ZBTB7C: variants seen among roughly 807,000 people sequenced by gnomAD.
ZBTB7C encodes the protein zinc finger and BTB domain-containing protein 7C.
ZBTB7C carries 8 observed loss-of-function variants against 25.7 expected under a neutral mutation model. The observed-to-expected ratio is 0.31, with a 90% CI of 0.18 to 0.56. ZBTB7C has a LOEUF of 0.56. Ranked by LOEUF, ZBTB7C falls within the 20% of genes least tolerant of loss-of-function variation. The probability of loss-of-function intolerance (pLI) is 0.91; values close to 1 mark genes in which losing one functional copy is unlikely to be tolerated. For missense variants in ZBTB7C, 824 were observed against 855.2 expected, an observed-to-expected ratio of 0.96 and a Z score of 0.46; for synonymous variants, 394 against 369.0, an observed-to-expected ratio of 1.07 and a Z score of -0.78.
At chr18:48,297,486 T>C (rs975345332) in intron 2 of ZBTB7C, among the ~76,000 whole-genome samples, 1 of 152,076 alleles carries the variant, frequency 6.6e-6, no homozygotes, top group African/African-American at 2.4e-5. Flanking sequence ...CTTGTCCCTC[T>C]CTCTCCCCCA....
intron 2 of ZBTB7C, among the ~76,000 whole-genome samples, chr18:48,314,364 C>T (rs1017166985): frequency 6.6e-6 from 1 of 152,168 alleles, no homozygotes; most frequent in East Asian, 1.9e-4. Flanking sequence ...ATGACAGAGT[C>T]CCCTCTTAAA....
Position 48,143,957 on chromosome 18 carries a change from C to T in ZBTB7C, c.-17+41977G>A, listed in dbSNP as rs149909992. ...CAACTCTGAATATAACAAGGACAAG[C>T]GGGAGTACCCCTATTGCAGTAGTCC... On this transcript the variant is annotated intron_variant, in intron 3 of 4. Transcript: ENST00000590800. Among the ~76,000 whole-genome samples, 12 of 152,294 alleles carry T rather than the reference C, an allele frequency of 7.9e-5. No individual in the cohort carries two copies. In the East Asian group the frequency reaches 1.4e-3, roughly 17 times the overall value.
In ZBTB7C at chr18:48,402,549, A is replaced by G. The variant is rs551237014; in HGVS notation, c.-304+6677T>C. Among the ~76,000 whole-genome samples the G allele has an allele frequency of 2.0e-5, 3 of 152,328 alleles. No homozygotes were observed. The East Asian group carries it at 5.8e-4, about 29-fold the overall frequency. On this transcript the variant is annotated intron_variant, in intron 1 of 4. Coordinates refer to ENST00000590800, the MANE Select transcript of ZBTB7C (RefSeq NM_001318841.2). ...CTGTTTTCCTTACGCAAAGTACAGA[A>G]GCAAAGCCTGCTAAAATCTTTGGTG...
Position 48,260,433 on chromosome 18 carries a change from G to GTCATAGATGTATGCATAAGTCTAA in ZBTB7C, c.-78-74462_-78-74439dup, listed in dbSNP as rs1374702747. ...TCTATTATTTTGATGTGGTGATGAT[G>GTCATAGATGTATGCATAAGTCTAA]TCATAGATGTATGCATAAGTCTAAA... On this transcript the variant is annotated intron_variant, in intron 2 of 4. Coordinates refer to ENST00000590800, the MANE Select transcript of ZBTB7C (RefSeq NM_001318841.2). Among the ~76,000 whole-genome samples, 18 of 152,196 alleles carry GTCATAGATGTATGCATAAGTCTAA rather than the reference G, an allele frequency of 1.2e-4. 1 individual carries two copies. The highest frequency in any genetic ancestry group is 4.3e-4 in the African/African-American group (18 of 41,440).
chr18:48,175,969 C>T (rs2041661710), intron 3 of ZBTB7C, among the ~76,000 whole-genome samples: 1 of 152,068 alleles, frequency 6.6e-6, no homozygotes, highest in Non-Finnish European at 1.5e-5. Flanking sequence ...CTGGATGGGC[C>T]AAAAGTCATC....
At chr18:48,220,328 C>T (rs138968055) in intron 2 of ZBTB7C, among the ~76,000 whole-genome samples, 11 of 152,302 alleles carry the variant, frequency 7.2e-5, no homozygotes, top group East Asian at 1.9e-4. Context: ...GCAGTGCCAG[C>T]GCTGGCACCT....
chr18:48,344,323 G>A lies in ZBTB7C; in HGVS notation c.-303-5925C>T, dbSNP rs146224685. 5.7e-3 allele frequency among the ~76,000 whole-genome samples: 868 copies of A among 152,294 alleles called. 5 individuals are homozygous for A. Among genetic ancestry groups the A allele is most frequent in the Non-Finnish European group, 0.01 (692 of 68,032 alleles). On this transcript the variant is annotated intron_variant, in intron 1 of 4. Coordinates refer to ENST00000590800, the MANE Select transcript of ZBTB7C (RefSeq NM_001318841.2). ...AAATCAGTGCTTGTCAAACTTCTAC[G>A]TGCTTATGAATCACCTGGGATCTTG... is the stretch of plus-strand genomic sequence containing the variant.
At chr18:48,207,196 CT>C (rs996722781) in intron 2 of ZBTB7C, among the ~76,000 whole-genome samples, 19 of 152,194 alleles carry the variant, frequency 1.2e-4, no homozygotes, top group African/African-American at 4.6e-4. Context: ...CAACTGGGCT[CT>C]CTTCAATGAC....
At chr18:48,055,905 C>G (rs893033424) in intron 3 of ZBTB7C, among the ~76,000 whole-genome samples, 1 of 152,178 alleles carries the variant, frequency 6.6e-6, no homozygotes, top group Non-Finnish European at 1.5e-5. Flanking sequence ...CTGAGGAAAC[C>G]TGGCAGATCC....
chr18:48,275,709 C>T (rs187056980), intron 2 of ZBTB7C, among the ~76,000 whole-genome samples: 134 of 152,310 alleles, frequency 8.8e-4, no homozygotes, highest in Admixed American at 2.2e-3. Flanking sequence ...ACAACTGCTT[C>T]GCATCATCTT....
intron 2 of ZBTB7C, among the ~76,000 whole-genome samples, chr18:48,200,932 C>T (rs2042430250): frequency 6.6e-6 from 1 of 152,216 alleles, no homozygotes; most frequent in African/African-American, 2.4e-5. Flanking sequence ...GTGGCTCACG[C>T]CTGACCCTGG....
chr18:48,186,426 T>C lies in ZBTB7C; in HGVS notation c.-78-431A>G, dbSNP rs1230339215. On this transcript the variant is annotated intron_variant, in intron 2 of 4. Transcript: ENST00000590800. ...TGTACAGCTGCCTGCATCTTAACAATCTGGCTCTGAATAATAACACAATGG... is the reference window on the plus strand; with the variant it reads ...TGTACAGCTGCCTGCATCTTAACAACCTGGCTCTGAATAATAACACAATGG... 2.0e-5 allele frequency among the ~76,000 whole-genome samples: 3 copies of C among 152,228 alleles called. No individual in the cohort carries two copies. The East Asian group carries it at 5.8e-4, about 29-fold the overall frequency.
At chr18:48,264,998 A>G (rs1378924369) in intron 2 of ZBTB7C, among the ~76,000 whole-genome samples, 1 of 152,176 alleles carries the variant, frequency 6.6e-6, no homozygotes, top group Non-Finnish European at 1.5e-5. Context: ...TGGATGAGAG[A>G]CAATGGGTGG....
Position 48,268,723 on chromosome 18 carries a change from T to A in ZBTB7C, c.-79+69451A>T, listed in dbSNP as rs142691324. Among the ~76,000 whole-genome samples the A allele has an allele frequency of 4.8e-3, 682 of 143,528 alleles. 2 individuals are homozygous for A. The highest frequency in any genetic ancestry group is 0.017 in the African/African-American group (646 of 38,336). The allele number at this position is 143,528 out of a possible 152,430, so 94.2% of individuals were successfully genotyped here. A position where few individuals can be genotyped will look rare whatever the true frequency, so the allele number is the denominator to read the frequency against. ...TCACTAAAGTTTGTCAAGGAAAGCA[T>A]CCTTGTCAAGACATATACATGTAAA... On this transcript the variant is annotated intron_variant, in intron 2 of 4. Transcript: ENST00000590800.
chr18:48,061,305 T>C (rs1300356244), intron 3 of ZBTB7C, among the ~76,000 whole-genome samples: 1 of 152,188 alleles, frequency 6.6e-6, no homozygotes, highest in Non-Finnish European at 1.5e-5. Context: ...TATTGCTTCC[T>C]TTACAGCTTC....
chr18:48,407,203 CA>C (rs1234361967), intron 1 of ZBTB7C, among the ~76,000 whole-genome samples: 1 of 152,154 alleles, frequency 6.6e-6, no homozygotes, highest in Admixed American at 6.5e-5. Flanking sequence ...GGCTCCCTTT[CA>C]AAAATATCTG....
chr18:48,386,927 G>A (rs1296089808), intron 1 of ZBTB7C, among the ~76,000 whole-genome samples: 2 of 152,180 alleles, frequency 1.3e-5, no homozygotes, highest in African/African-American at 2.4e-5. Context: ...CCAGCATGCA[G>A]CTACTCTGTT....
intron 3 of ZBTB7C, among the ~76,000 whole-genome samples, chr18:48,077,873 C>T (rs571875696): frequency 3.2e-4 from 49 of 152,018 alleles, no homozygotes; most frequent in African/African-American, 1.1e-3. Flanking sequence ...GAGCCTCTTT[C>T]GGTCCCTTAG....
intron 3 of ZBTB7C, chr18:48,150,665 G>C (rs1448306667): frequency 6.6e-6 from 1 of 151,814 alleles, no homozygotes; most frequent in Non-Finnish European, 1.5e-5. Flanking sequence ...GGGTAAAACA[G>C]ACTATGGCCT....
Sources: allele counts gnomAD v4.1 joint callset (sites outside exome capture counted in the v4.1 genomes callset), GRCh38; gene constraint gnomAD v4.1.1; transcripts MANE v1.5; gene names NCBI Gene and HGNC (gene_info 2026-07-23, HGNC 2026-07-21).